The following LRRC14B variants were observed in gnomAD, a reference collection of about 807,000 sequenced individuals.
LRRC14B encodes the protein leucine-rich repeat-containing protein 14B.
A neutral mutation model predicts 16.9 loss-of-function variants in LRRC14B; 23 were observed. That is an observed-to-expected ratio of 1.36 (90% CI 0.98 to 1.92). The LOEUF is 1.92. LRRC14B is among the 30% of genes most tolerant of loss of function. LRRC14B has a pLI of 0.00. For synonymous variants in LRRC14B, 358 were observed against 332.5 expected (o/e 1.08, Z -0.83); for missense variants, 766 against 705.7 (o/e 1.09, Z -0.97).
intron 1 of LRRC14B, among the ~76,000 whole-genome samples, chr5:194,399 A>G (rs746582004): frequency 6.6e-6 from 1 of 152,228 alleles, no homozygotes; most frequent in Non-Finnish European, 1.5e-5. Context: ...ACCTCTGGGT[A>G]TAGCTGACTT....
In LRRC14B at chr5:195,481, T is replaced by C; in HGVS notation, c.*128T>C. 1.1e-6 allele frequency: 1 copy of C among 931,012 alleles called. No individual in the cohort carries two copies. The highest frequency in any genetic ancestry group is 2.6e-5 in the Admixed American group (1 of 37,774). The allele number at this position is 931,012 out of a possible 1,614,324, so 57.7% of individuals were successfully genotyped here. ...CACCACCACCAAAAGCAGTTCTTAGTGAAAATTGTAGGCGAGCCTGTTAAG... is the reference window on the plus strand; with the variant it reads ...CACCACCACCAAAAGCAGTTCTTAGCGAAAATTGTAGGCGAGCCTGTTAAG... On this transcript the variant is annotated 3_prime_UTR_variant, in exon 2 of 2. Coordinates refer to ENST00000328278, the MANE Select transcript of LRRC14B (RefSeq NM_001080478.3).
rs1354926431 is a variant in LRRC14B at position 195,538 on chromosome 5, T to C, written c.*185T>C. ...AGAAGAGGAAGCCTTCCAGGAGAGG[T>C]GCCATGCGGTGCCCTTTAGTGGCAG... On this transcript the variant is annotated 3_prime_UTR_variant, in exon 2 of 2. Transcript: ENST00000328278. Among the ~76,000 whole-genome samples, 1 of 151,514 alleles carries C rather than the reference T, an allele frequency of 6.6e-6. No homozygotes were observed. Among genetic ancestry groups the C allele is most frequent in the African/African-American group, 2.4e-5 (1 of 41,174 alleles).
Position 195,351 on chromosome 5 carries a change from T to G in LRRC14B, c.1543T>G (p.Ter515GluextTer7). 1 of 1,599,122 alleles carries G rather than the reference T, an allele frequency of 6.3e-7. No individual in the cohort carries two copies. Among genetic ancestry groups the G allele is most frequent in the Non-Finnish European group, 8.5e-7 (1 of 1,178,458 alleles). Reference protein sequence around the residue: ...NFSRALKQIE* With the variant: ...NFSRALKQIEE The stretch of plus-strand genomic sequence containing the variant: ...CTCCAGAGCACTCAAACAAATAGAG[T>G]AGTTCCTCCACTCGCACCAGTGACA... The change falls in exon 2 of 2, where the codon TAG (stop) becomes GAG (glutamate). Residue 515 changes from the stop codon to glutamate (E), a stop_lost. Coordinates refer to ENST00000328278, the MANE Select transcript of LRRC14B (RefSeq NM_001080478.3).
chr5:191,623 G>T lies in LRRC14B; in HGVS notation c.85G>T (p.Val29Leu). 1.2e-6 allele frequency: 2 copies of T among 1,611,184 alleles called. No individual in the cohort carries two copies. The highest frequency in any genetic ancestry group is 1.7e-6 in the Non-Finnish European group (2 of 1,179,192). ...GGTGGCCCGGCAGAGCCTGGACAGC[G>T]TGGCCCACAACCTCTACCCACTCCT... is the stretch of plus-strand genomic sequence containing the variant. Reference protein sequence around the residue: ...PQVARQSLDSVAHNLYPLLFK... With the variant: ...PQVARQSLDSLAHNLYPLLFK... The change falls in exon 1 of 2, where the codon GTG (valine) becomes TTG (leucine). Residue 29 changes from valine to leucine, a missense_variant. Physicochemically the swap from Val to Leu is conservative, Grantham distance 32 (BLOSUM62 1). Coordinates refer to ENST00000328278, the MANE Select transcript of LRRC14B (RefSeq NM_001080478.3).
Position 192,089 on chromosome 5 carries a change from T to C in LRRC14B, c.551T>C (p.Leu184Pro). The C allele has an allele frequency of 6.4e-7, 1 of 1,552,758 alleles. No individual in the cohort carries two copies. ...CTGAGGCCAGCGGGCCCGGCCCCTC[T>C]GCGGGTGCACTGCCCCTCGTTCCGG... Reference protein sequence around the residue: ...QALRPAGPAPLRVHCPSFRAD... With the variant: ...QALRPAGPAPPRVHCPSFRAD... Residue 184 changes from leucine to proline, a missense_variant, in exon 1 of 2, where the codon CTG becomes CCG. Coordinates refer to ENST00000328278, the MANE Select transcript of LRRC14B (RefSeq NM_001080478.3).
chr5:193,459 G>A (rs1011861928), intron 1 of LRRC14B, among the ~76,000 whole-genome samples: 4 of 148,112 alleles, frequency 2.7e-5, no homozygotes, highest in African/African-American at 1.0e-4. Flanking sequence ...GTCCTGGTGG[G>A]GCGTTTGGCA....
At position 194,771 on chromosome 5, in the gene LRRC14B, G is replaced by A. The variant is rs865852629; in HGVS notation, c.963G>A (p.Met321Ile). 3.7e-6 allele frequency: 6 copies of A among 1,613,454 alleles called. No individual in the cohort carries two copies. In the African/African-American group the frequency reaches 6.7e-5, roughly 18 times the overall value. ...ACTGTGCCCTGAACCACACGGACATGGCCTTCTTGGCAGACTGTGCCCACG... is the reference window on the plus strand; with the variant it reads ...ACTGTGCCCTGAACCACACGGACATAGCCTTCTTGGCAGACTGTGCCCACG... Reference protein sequence around the residue: ...LANCALNHTDMAFLADCAHAA... With the variant: ...LANCALNHTDIAFLADCAHAA... Residue 321 changes from methionine (M) to isoleucine (I), a missense_variant, in exon 2 of 2, where the codon ATG becomes ATA. Transcript: ENST00000328278.
chr5:192,384 T>C lies in LRRC14B; in HGVS notation c.846T>C (p.Thr282=), dbSNP rs371112709. Residue 282 remains threonine (T), a synonymous_variant, in exon 1 of 2, where the codon ACT becomes ACC. Coordinates refer to ENST00000328278, the MANE Select transcript of LRRC14B (RefSeq NM_001080478.3). ...AGCTCAGCAAGATGGCGCAGCTCAC[T>C]GAGCTCAGTGTGGCCTTCTCCACGC... ...ARELSKMAQL[T]ELSVAFSTLT... The C allele has an allele frequency of 5.7e-6, 9 of 1,581,316 alleles. No homozygotes were observed. The African/African-American group carries it at 1.2e-4, about 21-fold the overall frequency.
rs1325871057 is a variant in LRRC14B, at chr5:192,094, G to A, written c.556G>A (p.Val186Met). The change falls in exon 1 of 2, where the codon GTG (valine) becomes ATG (methionine). Residue 186 changes from valine to methionine, a missense_variant. Physicochemically the swap from Val to Met is conservative, Grantham distance 21. Coordinates refer to ENST00000328278, the MANE Select transcript of LRRC14B (RefSeq NM_001080478.3). The part of the protein sequence containing the change: ...LRPAGPAPLR[V>M]HCPSFRADSL... ...GCCAGCGGGCCCGGCCCCTCTGCGGGTGCACTGCCCCTCGTTCCGGGCGGA... is the reference window on the plus strand; with the variant it reads ...GCCAGCGGGCCCGGCCCCTCTGCGGATGCACTGCCCCTCGTTCCGGGCGGA... 3 of 1,554,940 alleles carry A rather than the reference G, an allele frequency of 1.9e-6. No individual in the cohort carries two copies. The highest frequency in any genetic ancestry group is 2.4e-5 in the East Asian group (1 of 41,856).
chr5:194,224 C>A (rs1378889563), intron 1 of LRRC14B, among the ~76,000 whole-genome samples: 1 of 151,634 alleles, frequency 6.6e-6, no homozygotes, highest in Admixed American at 6.6e-5. Context: ...TGCCCCCCGC[C>A]GTCTGCTTTC....
At position 192,380 on chromosome 5, in the gene LRRC14B, TC is replaced by T. The variant is rs1323838828; in HGVS notation, c.843del (p.Thr282LeufsTer10). The T allele has an allele frequency of 6.3e-7, 1 of 1,581,944 alleles. No homozygotes were observed. Among genetic ancestry groups the T allele is most frequent in the East Asian group, 2.3e-5 (1 of 43,644 alleles). Reference protein sequence around the residue: ...IARELSKMAQLTELSVAFSTL... With the variant: ...IARELSKMAQXTELSVAFSTL... ...CGGGAGCTCAGCAAGATGGCGCAGC[TC>T]ACTGAGCTCAGTGTGGCCTTCTCCA... On this transcript the variant is annotated frameshift_variant, in exon 1 of 2. Transcript: ENST00000328278. LOFTEE classifies it high-confidence loss of function.
At chr5:193,377 C>G (rs1369199783) in intron 1 of LRRC14B, among the ~76,000 whole-genome samples, 1 of 98,524 alleles carries the variant, frequency 1.0e-5, no homozygotes, top group African/African-American at 4.2e-5. Flanking sequence ...GGGGAAGCAC[C>G]TAGAGGTGGG....
In LRRC14B at chr5:192,383, CTGAGCTCAG is replaced by C; in HGVS notation, c.848_856del (p.Glu283_Ser285del). On this transcript the variant is annotated inframe_deletion, in exon 1 of 2. Transcript: ENST00000328278. ...GAGCTCAGCAAGATGGCGCAGCTCA[CTGAGCTCAG>C]TGTGGCCTTCTCCACGCTGACCGGG... 1 of 1,582,248 alleles carries C rather than the reference CTGAGCTCAG, an allele frequency of 6.3e-7. No individual in the cohort carries two copies.
chr5:191,496 C>T lies in LRRC14B; in HGVS notation c.-43C>T, dbSNP rs773797004. On this transcript the variant is annotated 5_prime_UTR_variant, in exon 1 of 2. Transcript: ENST00000328278. ...CAGCTAAAGATAGGCGTGAAGGGCACACGCCTTGGGGAAAGTCGTGGGGAG... is the reference window on the plus strand; with the variant it reads ...CAGCTAAAGATAGGCGTGAAGGGCATACGCCTTGGGGAAAGTCGTGGGGAG... 3.8e-6 allele frequency: 6 copies of T among 1,559,930 alleles called. No homozygotes were observed. Among genetic ancestry groups the T allele is most frequent in the Admixed American group, 1.8e-5 (1 of 56,682 alleles).
chr5:196,015 G>A lies in LRRC14B; in HGVS notation c.*662G>A, dbSNP rs904138383. 5.9e-5 allele frequency: 9 copies of A among 153,512 alleles called. No homozygotes were observed. The highest frequency in any genetic ancestry group is 2.2e-4 in the African/African-American group (9 of 41,456). 9.5% of individuals were successfully genotyped at this position (153,512 alleles called of 1,614,324 possible). ...CACTTTGTGTAGCCCCCAGAACCGT[G>A]AGGGGCATCCGAGTGGGTGAGCACA... On this transcript the variant is annotated 3_prime_UTR_variant, in exon 2 of 2. Transcript: ENST00000328278.
rs780084562 is a variant in LRRC14B, at chr5:194,902, T to C, written c.1094T>C (p.Leu365Pro). 3.1e-6 allele frequency: 5 copies of C among 1,606,036 alleles called. No homozygotes were observed. The Admixed American group carries it at 5.1e-5, about 17-fold the overall frequency. ...CAGGCTTCCCGGACGCTGAGGATCC[T>C]GACACTGGAGGAGTGTGGCATCGTA... Reference protein sequence around the residue: ...LSQASRTLRILTLEECGIVDS... With the variant: ...LSQASRTLRIPTLEECGIVDS... The change falls in exon 2 of 2, where the codon CTG becomes CCG. Residue 365 changes from leucine to proline, a missense_variant. Physicochemically the swap from Leu to Pro is moderately conservative, Grantham distance 98. Coordinates refer to ENST00000328278, the MANE Select transcript of LRRC14B (RefSeq NM_001080478.3).
At chr5:192,551 A>C in intron 1 of LRRC14B, 114 bp downstream of exon 1, 2 of 1,134,776 alleles carry the variant, frequency 1.8e-6, no homozygotes, top group African/African-American at 1.6e-5. Context: ...CCAGCCTCTC[A>C]CTCCGGGTGT....
chr5:192,074 C>G lies in LRRC14B; in HGVS notation c.536C>G (p.Ala179Gly). Reference protein sequence around the residue: ...FEAVVQALRPAGPAPLRVHCP... With the variant: ...FEAVVQALRPGGPAPLRVHCP... ...GCGGTGGTGCAGGCTCTGAGGCCAG[C>G]GGGCCCGGCCCCTCTGCGGGTGCAC... The change falls in exon 1 of 2, where the codon GCG (alanine) becomes GGG (glycine). Residue 179 changes from alanine to glycine, a missense_variant. By Grantham distance (60) the Ala-to-Gly change is moderately conservative. Coordinates refer to ENST00000328278, the MANE Select transcript of LRRC14B (RefSeq NM_001080478.3). The G allele has an allele frequency of 6.5e-7, 1 of 1,546,466 alleles. No individual in the cohort carries two copies. Among genetic ancestry groups the G allele is most frequent in the Non-Finnish European group, 8.7e-7 (1 of 1,150,736 alleles).
chr5:191,533 C>A lies in LRRC14B; in HGVS notation c.-6C>A. On this transcript the variant is annotated 5_prime_UTR_variant, in exon 1 of 2. Coordinates refer to ENST00000328278, the MANE Select transcript of LRRC14B (RefSeq NM_001080478.3). ...AAAGTCGTGGGGAGCGGTCCTGTCTCGGGCCATGGACACAATGAGGTCACT... is the reference window on the plus strand; with the variant it reads ...AAAGTCGTGGGGAGCGGTCCTGTCTAGGGCCATGGACACAATGAGGTCACT... 6.2e-7 allele frequency: 1 copy of A among 1,602,392 alleles called. No individual in the cohort carries two copies. Among genetic ancestry groups the A allele is most frequent in the Non-Finnish European group, 8.5e-7 (1 of 1,172,276 alleles).
Sources: allele counts gnomAD v4.1 joint callset (sites outside exome capture counted in the v4.1 genomes callset), GRCh38; gene constraint gnomAD v4.1.1; transcripts MANE v1.5; gene names NCBI Gene and HGNC (gene_info 2026-07-23, HGNC 2026-07-21).